CCSER1: variants seen among roughly 807,000 people sequenced by gnomAD.
The protein encoded by CCSER1 is serine-rich coiled-coil domain-containing protein 1.
A neutral mutation model predicts 82.0 loss-of-function variants in CCSER1; 41 were observed. The ratio of observed to expected loss-of-function variants is 0.50; its 90% CI spans 0.39 to 0.65. The LOEUF (loss-of-function observed/expected upper bound fraction) is 0.65, where lower values mean the gene tolerates loss of function less well. Among genes scored for constraint, CCSER1 ranks in the 30% least tolerant of loss-of-function variants. The probability of loss-of-function intolerance (pLI) is 0.00; values close to 1 mark genes in which losing one functional copy is unlikely to be tolerated. For synonymous variants in CCSER1, 414 were observed against 383.9 expected, an observed-to-expected ratio of 1.08 and a Z score of -0.92; for missense variants, 1,119 against 1,064.2, an observed-to-expected ratio of 1.05 and a Z score of -0.72.
At chr4:91,322,146 G>A (rs1209009433) in intron 10 of CCSER1, among the ~76,000 whole-genome samples, 1 of 152,006 alleles carries the variant, frequency 6.6e-6, no homozygotes, top group African/African-American at 2.4e-5. Context: ...CTTTAGCAGG[G>A]TTAAAAATCC....
chr4:91,061,032 G>A (rs1743906027), intron 9 of CCSER1, among the ~76,000 whole-genome samples: 2 of 151,850 alleles, frequency 1.3e-5, no homozygotes, highest in Admixed American at 6.6e-5. Context: ...TACCATTTTA[G>A]TTTGCACAGC....
intron 5 of CCSER1, among the ~76,000 whole-genome samples, chr4:90,518,564 C>T (rs1223022458): frequency 6.6e-6 from 1 of 151,894 alleles, no homozygotes; most frequent in Non-Finnish European, 1.5e-5. Context: ...TGTCCATATA[C>T]TTAGGAGGGT....
chr4:91,591,411 AATAT>A (rs1232709733), intron 10 of CCSER1, among the ~76,000 whole-genome samples: 13 of 152,150 alleles, frequency 8.5e-5, no homozygotes, highest in Middle Eastern at 3.4e-3. Flanking sequence ...TAATTAAATT[AATAT>A]ATGTATTATA....
chr4:90,757,377 A>C (rs945541549), intron 7 of CCSER1, among the ~76,000 whole-genome samples: 5 of 152,160 alleles, frequency 3.3e-5, no homozygotes, highest in African/African-American at 1.2e-4. Context: ...TTCAGGTTAA[A>C]ACTGGCTTGC....
intron 8 of CCSER1, among the ~76,000 whole-genome samples, chr4:90,915,174 C>T (rs1036175412): frequency 6.6e-6 from 1 of 152,134 alleles, no homozygotes; most frequent in African/African-American, 2.4e-5. Flanking sequence ...GTGAGGCCAG[C>T]ATCATCCTGA....
intron 9 of CCSER1, among the ~76,000 whole-genome samples, chr4:90,959,853 T>C (rs1259861089): frequency 1.3e-5 from 2 of 151,910 alleles, no homozygotes; most frequent in African/African-American, 4.8e-5. Flanking sequence ...CTCTGAACTC[T>C]TGACTCTGAG....
intron 10 of CCSER1, among the ~76,000 whole-genome samples, chr4:91,345,388 A>G (rs1246674116): frequency 6.6e-6 from 1 of 152,198 alleles, no homozygotes; most frequent in Non-Finnish European, 1.5e-5. Context: ...CTCCATCTCA[A>G]AAATGAAGAA....
At chr4:91,159,572 C>T (rs560422127) in intron 10 of CCSER1, among the ~76,000 whole-genome samples, 2 of 151,698 alleles carry the variant, frequency 1.3e-5, no homozygotes, top group African/African-American at 2.4e-5. Context: ...CATTTTTGTC[C>T]TTTAAGAGTG....
chr4:90,959,534 A>G (rs1021160729), intron 9 of CCSER1, among the ~76,000 whole-genome samples: 1 of 152,132 alleles, frequency 6.6e-6, no homozygotes, highest in African/African-American at 2.4e-5. Context: ...TATATATGCT[A>G]TGCACTACTT....
At chr4:90,433,023 C>G (rs929339934) in intron 4 of CCSER1, among the ~76,000 whole-genome samples, 1 of 152,040 alleles carries the variant, frequency 6.6e-6, no homozygotes, top group Non-Finnish European at 1.5e-5. Context: ...ATCAAATCTC[C>G]TAGCTTTAAG....
At chr4:90,885,193 A>G (rs893695596) in intron 8 of CCSER1, among the ~76,000 whole-genome samples, 2 of 152,126 alleles carry the variant, frequency 1.3e-5, no homozygotes, top group Non-Finnish European at 2.9e-5. Context: ...ACTGCAGTGC[A>G]TTTATATATT....
At chr4:91,224,762 G>A (rs943765286) in intron 10 of CCSER1, among the ~76,000 whole-genome samples, 5 of 151,982 alleles carry the variant, frequency 3.3e-5, no homozygotes, top group Non-Finnish European at 7.4e-5. Context: ...TTAAACATGA[G>A]AATATTTCCT....
intron 4 of CCSER1, among the ~76,000 whole-genome samples, chr4:90,452,264 G>T (rs1761557413): frequency 1.3e-5 from 2 of 152,134 alleles, no homozygotes; most frequent in African/African-American, 4.8e-5. Context: ...TCGCAGTCCT[G>T]TTCAAGCTCC....
chr4:90,654,267 C>A (rs1729305895), intron 6 of CCSER1, among the ~76,000 whole-genome samples: 1 of 151,950 alleles, frequency 6.6e-6, no homozygotes, highest in African/African-American at 2.4e-5. Flanking sequence ...TTTTCAAGGG[C>A]TAATATTAAG....
chr4:90,781,102 C>T (rs1246908791), intron 7 of CCSER1: 1 of 193,366 alleles, frequency 5.2e-6, no homozygotes, highest in African/African-American at 2.4e-5. Context: ...AACTCACTAT[C>T]CGGAAGACAG....
chr4:90,932,705 G>C (rs553975326), intron 9 of CCSER1, among the ~76,000 whole-genome samples: 1 of 149,770 alleles, frequency 6.7e-6, no homozygotes, highest in East Asian at 2.0e-4. Context: ...GCGGACAACT[G>C]TAATTCCAGC....
intron 7 of CCSER1, among the ~76,000 whole-genome samples, chr4:90,749,096 A>C (rs1015781276): frequency 5.3e-5 from 8 of 151,850 alleles, no homozygotes; most frequent in African/African-American, 1.2e-4. Flanking sequence ...GGTGTTTTAG[A>C]CATGAAGTCC....
At chr4:90,714,746 G>A (rs1741317239) in intron 6 of CCSER1, among the ~76,000 whole-genome samples, 2 of 151,952 alleles carry the variant, frequency 1.3e-5, no homozygotes, top group Non-Finnish European at 2.9e-5. Context: ...GCAAACAAGA[G>A]CAAGATAAAA....
At chr4:91,369,570 A>G (rs1367277420) in intron 10 of CCSER1, among the ~76,000 whole-genome samples, 2 of 151,728 alleles carry the variant, frequency 1.3e-5, no homozygotes, top group East Asian at 3.9e-4. Context: ...TTTGAGAGTT[A>G]ATGATTTAAT....
Sources: gnomAD v4.1 joint callset for allele counts (sites outside exome capture counted in the v4.1 genomes callset) on GRCh38, gnomAD v4.1.1 for gene constraint, MANE v1.5 for transcripts, NCBI Gene and HGNC (gene_info 2026-07-23, HGNC 2026-07-21) for gene names.